DAB1: variants seen among roughly 807,000 people sequenced by gnomAD.
DAB1 encodes the protein disabled homolog 1.
In DAB1, 15 loss-of-function variants were observed where a neutral mutation model predicts 64.6. That is an observed-to-expected ratio of 0.23 (90% CI 0.16 to 0.36). The LOEUF (loss-of-function observed/expected upper bound fraction) is 0.36, where lower values mean the gene tolerates loss of function less well. DAB1 is among the 10% of genes least tolerant of loss of function. The pLI is 1.00. For missense variants in DAB1, 596 were observed against 706.7 expected (o/e 0.84, Z 1.78); for synonymous variants, 235 against 251.9 (o/e 0.93, Z 0.64).
chr1:57,622,862 C>T (rs970711294), intron 7 of DAB1, among the ~76,000 whole-genome samples: 2 of 152,162 alleles, frequency 1.3e-5, no homozygotes, highest in African/African-American at 4.8e-5. Flanking sequence ...TCCTGGTCTT[C>T]TTTGAGTTTT....
At chr1:58,085,543 T>A (rs1393564667) in intron 5 of DAB1, among the ~76,000 whole-genome samples, 1 of 151,832 alleles carries the variant, frequency 6.6e-6, no homozygotes. Flanking sequence ...TTTCAAAAAC[T>A]TTTGCATAGA....
chr1:57,769,047 G>T (rs920430859), intron 6 of DAB1, among the ~76,000 whole-genome samples: 11 of 152,106 alleles, frequency 7.2e-5, no homozygotes, highest in African/African-American at 2.7e-4. Flanking sequence ...CCCTGTGTCT[G>T]TGGGGCCATT....
At chr1:57,614,868 C>CTTTTTTTTTTTTTT (rs34907824) in intron 7 of DAB1, among the ~76,000 whole-genome samples, 5 of 38,742 alleles carry the variant, frequency 1.3e-4, no homozygotes, top group African/African-American at 2.3e-4. Flanking sequence ...TTCTTTCTTT[C>CTTTTTTTTTTTTTT]TTTTTTTTTT....
chr1:58,261,648 G>A (rs1661050833), intron 4 of DAB1, among the ~76,000 whole-genome samples: 1 of 151,992 alleles, frequency 6.6e-6, no homozygotes, highest in South Asian at 2.1e-4. Context: ...GCCAGAGTGA[G>A]AAAAAATGAT....
chr1:58,468,984 C>A (rs1645326217), intron 3 of DAB1: 1 of 244,142 alleles, frequency 4.1e-6, no homozygotes, highest in Non-Finnish European at 6.6e-6. Flanking sequence ...GGCTGACCTT[C>A]TTTCATTTAT....
intron 1 of DAB1, among the ~76,000 whole-genome samples, chr1:58,538,458 C>T (rs188328561): frequency 2.0e-5 from 3 of 152,012 alleles, no homozygotes; most frequent in South Asian, 2.1e-4. Context: ...CACTTCTGAT[C>T]CATATATCCT....
chr1:57,901,267 C>T (rs61770281), intron 5 of DAB1, among the ~76,000 whole-genome samples: 23,943 of 152,026 alleles, frequency 0.16, 2,362 homozygotes, highest in Non-Finnish European at 0.21. Flanking sequence ...CTTCCATTCC[C>T]CACACCTGCT....
chr1:57,396,120 TG>T (rs772148723), intron 1 of DAB1, among the ~76,000 whole-genome samples: 3 of 152,234 alleles, frequency 2.0e-5, no homozygotes, highest in East Asian at 3.8e-4. Flanking sequence ...AGAGGTCTGT[TG>T]ATTCAGAAAA....
At chr1:57,972,655 T>A (rs781315387) in intron 5 of DAB1, among the ~76,000 whole-genome samples, 2 of 152,218 alleles carry the variant, frequency 1.3e-5, no homozygotes, top group Non-Finnish European at 2.9e-5. Flanking sequence ...CAACAGAAGG[T>A]CTTCTCTTGA....
At chr1:57,496,431 C>T (rs990880820) in intron 7 of DAB1, among the ~76,000 whole-genome samples, 1 of 152,172 alleles carries the variant, frequency 6.6e-6, no homozygotes, top group South Asian at 2.1e-4. Flanking sequence ...ACACACAGAA[C>T]CTTCAATGGT....
chr1:57,964,522 C>T (rs770226527), intron 5 of DAB1, among the ~76,000 whole-genome samples: 4 of 152,150 alleles, frequency 2.6e-5, no homozygotes, highest in Non-Finnish European at 4.4e-5. Context: ...AGGCCTATTT[C>T]AGTACAGAGA....
chr1:57,713,975 A>T (rs187653267), intron 6 of DAB1, among the ~76,000 whole-genome samples: 103 of 152,242 alleles, frequency 6.8e-4, no homozygotes, highest in African/African-American at 2.4e-3. Flanking sequence ...TCTGTTCCTA[A>T]GCACCTGTTA....
At chr1:57,581,250 A>G (rs1645308482) in intron 7 of DAB1, among the ~76,000 whole-genome samples, 2 of 152,260 alleles carry the variant, frequency 1.3e-5, no homozygotes, top group African/African-American at 4.8e-5. Flanking sequence ...AGACATTAAT[A>G]GAATGACATA....
intron 5 of DAB1, among the ~76,000 whole-genome samples, chr1:57,909,211 C>T (rs1644603579): frequency 6.6e-6 from 1 of 152,088 alleles, no homozygotes; most frequent in South Asian, 2.1e-4. Flanking sequence ...GTTGTATGAA[C>T]ATGGGTGAGT....
intron 14 of DAB1, among the ~76,000 whole-genome samples, chr1:57,009,011 T>G (rs1362656801): frequency 1.3e-5 from 2 of 152,202 alleles, no homozygotes; most frequent in Non-Finnish European, 2.9e-5. Context: ...CAGTTTGGCT[T>G]GTAGGATTGT....
At chr1:57,781,713 G>GAA (rs3081035) in intron 6 of DAB1, among the ~76,000 whole-genome samples, 18 of 135,654 alleles carry the variant, frequency 1.3e-4, no homozygotes, top group Admixed American at 1.3e-3. Context: ...AAGCAATTGA[G>GAA]AAAAAAAAAA....
At chr1:57,101,073 C>A (rs188426685) in intron 4 of DAB1, among the ~76,000 whole-genome samples, 1 of 152,190 alleles carries the variant, frequency 6.6e-6, no homozygotes, top group Admixed American at 6.5e-5. Context: ...GGTCTGACCC[C>A]ACAGCCCATC....
chr1:57,694,467 G>T (rs1483222893), intron 6 of DAB1, among the ~76,000 whole-genome samples: 1 of 152,078 alleles, frequency 6.6e-6, no homozygotes, highest in East Asian at 1.9e-4. Context: ...ATAATATAGA[G>T]AAACAATTGA....
chr1:58,387,434 T>A (rs887212319), intron 3 of DAB1, among the ~76,000 whole-genome samples: 3 of 152,160 alleles, frequency 2.0e-5, no homozygotes, highest in African/African-American at 7.2e-5. Context: ...AGTGAGTGAT[T>A]TTTAGGGAAA....
Sources: gnomAD v4.1 joint callset for allele counts (sites outside exome capture counted in the v4.1 genomes callset) on GRCh38, gnomAD v4.1.1 for gene constraint, MANE v1.5 for transcripts, NCBI Gene and HGNC (gene_info 2026-07-23, HGNC 2026-07-21) for gene names.